Variants in CBX5 observed in about 807,000 individuals in gnomAD.
CBX5 encodes the protein chromobox protein homolog 5.
CBX5 carries 7 observed loss-of-function variants against 20.7 expected under a neutral mutation model. That is an observed-to-expected ratio of 0.34 (90% CI 0.19 to 0.63). The LOEUF is 0.63. Among genes scored for constraint, CBX5 ranks in the 30% least tolerant of loss-of-function variants. The pLI is 0.75. For missense variants in CBX5, 110 were observed against 224.1 expected, an observed-to-expected ratio of 0.49 and a Z score of 3.25; for synonymous variants, 78 against 77.0, an observed-to-expected ratio of 1.01 and a Z score of -0.07.
In CBX5 at chr12:54,241,686, A is replaced by G; in HGVS notation, c.*69T>C. On this transcript the variant is annotated 3_prime_UTR_variant, in exon 5 of 5. Transcript: ENST00000209875. ...GTGTTTAGGATAGAAAGGGGTGGGT[A>G]GAAAGGAGAGGAGGCAGGGAGGTGA... The G allele has an allele frequency of 6.9e-7, 1 of 1,448,624 alleles. No individual in the cohort carries two copies. The highest frequency in any genetic ancestry group is 9.4e-7 in the Non-Finnish European group (1 of 1,061,690). 89.7% of individuals were successfully genotyped at this position (1,448,624 alleles called of 1,614,324 possible).
intron 2 of CBX5, among the ~76,000 whole-genome samples, chr12:54,254,433 G>A (rs905612468): frequency 6.6e-6 from 1 of 151,400 alleles, no homozygotes; most frequent in African/African-American, 2.4e-5. Flanking sequence ...GGAAAAATCT[G>A]AGCTATTTAC....
At position 54,235,645 on chromosome 12, in the gene CBX5, T is replaced by G. The variant is rs1183114777; in HGVS notation, c.*6110A>C. 6.6e-6 allele frequency: 1 copy of G among 152,176 alleles called. No homozygotes were observed. The highest frequency in any genetic ancestry group is 1.5e-5 in the Non-Finnish European group (1 of 68,048). The allele number at this position is 152,176 out of a possible 1,614,324, so 9.4% of individuals were successfully genotyped here. A position where few individuals can be genotyped will look rare whatever the true frequency, so the allele number is the denominator to read the frequency against. ...AAAGAAATCACCCTCTCTCCAGTAT[T>G]GAATAAAACTGCACTGCTCAGAGTA... On this transcript the variant is annotated 3_prime_UTR_variant, in exon 5 of 5. Coordinates refer to ENST00000209875, the MANE Select transcript of CBX5 (RefSeq NM_012117.3).
At chr12:54,242,547 T>C (rs1943688985) in intron 4 of CBX5, among the ~76,000 whole-genome samples, 1 of 141,312 alleles carries the variant, frequency 7.1e-6, no homozygotes, top group African/African-American at 2.6e-5. Context: ...AAAAAAAACC[T>C]ACATTCAGCT....
chr12:54,269,254 A>G (rs1015160297), intron 1 of CBX5, among the ~76,000 whole-genome samples: 1 of 151,988 alleles, frequency 6.6e-6, no homozygotes, highest in African/African-American at 2.4e-5. Context: ...CAGAGCGAGG[A>G]TCCTTCTCAA....
At chr12:54,277,921 A>G (rs1423136775) in intron 1 of CBX5, among the ~76,000 whole-genome samples, 1 of 152,210 alleles carries the variant, frequency 6.6e-6, no homozygotes, top group East Asian at 1.9e-4. Flanking sequence ...ATCATCTCAC[A>G]CTGCACCCTT....
chr12:54,269,366 C>A (rs1441707320), intron 1 of CBX5, among the ~76,000 whole-genome samples: 2 of 152,134 alleles, frequency 1.3e-5, no homozygotes, highest in Non-Finnish European at 2.9e-5. Flanking sequence ...TGGTAAAATT[C>A]TTCAGTGAAG....
chr12:54,279,089 T>C (rs1358294715), intron 1 of CBX5: 2 of 152,222 alleles, frequency 1.3e-5, no homozygotes, highest in Non-Finnish European at 2.9e-5. Context: ...GATCCTACTG[T>C]GTCCCTAGGA....
chr12:54,245,810 A>C (rs144069733), intron 4 of CBX5, among the ~76,000 whole-genome samples: 1 of 151,336 alleles, frequency 6.6e-6, no homozygotes, highest in African/African-American at 2.4e-5. Context: ...TAAATAAATA[A>C]ATAATAAAAA....
intron 3 of CBX5, among the ~76,000 whole-genome samples, chr12:54,250,519 G>A (rs1452862893): frequency 6.6e-6 from 1 of 151,724 alleles, no homozygotes; most frequent in Non-Finnish European, 1.5e-5. Context: ...AAAAGAAAGG[G>A]CCGGGGCCGG....
In CBX5 at chr12:54,257,612, A is replaced by G; in HGVS notation, c.39T>C (p.Ser13=). The G allele has an allele frequency of 6.2e-7, 1 of 1,614,152 alleles. No homozygotes were observed. Among genetic ancestry groups the G allele is most frequent in the Non-Finnish European group, 8.5e-7 (1 of 1,180,020 alleles). ...KKTKRTADSS[S]SEDEEEYVVE... is the part of the protein sequence containing the mutation. ...CAACATACTCCTCCTCATCCTCTGA[A>G]GAAGAACTGTCAGCTGTCCGCTTGG... Residue 13 remains serine, a synonymous_variant, in exon 2 of 5, where the codon TCT becomes TCC. Coordinates refer to ENST00000209875, the MANE Select transcript of CBX5 (RefSeq NM_012117.3).
Position 54,235,096 on chromosome 12 carries a change from TG to T in CBX5, c.*6658del, listed in dbSNP as rs1447526326. 4 of 152,208 alleles carry T rather than the reference TG, an allele frequency of 2.6e-5. No homozygotes were observed. Among genetic ancestry groups the T allele is most frequent in the Non-Finnish European group, 5.9e-5 (4 of 68,036 alleles). The allele number at this position is 152,208 out of a possible 1,614,324, so 9.4% of individuals were successfully genotyped here. On this transcript the variant is annotated 3_prime_UTR_variant, in exon 5 of 5. Coordinates refer to ENST00000209875, the MANE Select transcript of CBX5 (RefSeq NM_012117.3). ...TTTCCAGAGCAGTTACTCTAATTCC[TG>T]GGAATTCTGACTTCCAAAGTTAGTC...
intron 3 of CBX5, among the ~76,000 whole-genome samples, chr12:54,246,797 A>G (rs955733369): frequency 1.3e-4 from 19 of 151,824 alleles, no homozygotes; most frequent in East Asian, 5.8e-4. Context: ...AAAAAAAAAA[A>G]AAAGAAAAGG....
intron 4 of CBX5, among the ~76,000 whole-genome samples, chr12:54,243,377 G>A (rs970971312): frequency 1.1e-4 from 17 of 151,782 alleles, no homozygotes; most frequent in Admixed American, 1.1e-3. Context: ...GGGCAACATA[G>A]GAAGACCTGG....
chr12:54,252,149 C>T lies in CBX5; in HGVS notation c.216G>A (p.Lys72=). Residue 72 remains lysine, a synonymous_variant, in exon 3 of 5, where the codon AAG becomes AAA. Transcript: ENST00000209875. ...GTTTATTATTTTCACCCTCCTTCAT[C>T]TTCTTATACTTTTTCATAAATTCAG... ...LISEFMKKYK[K]MKEGENNKPR... 6.2e-7 allele frequency: 1 copy of T among 1,610,414 alleles called. No individual in the cohort carries two copies. The highest frequency in any genetic ancestry group is 8.5e-7 in the Non-Finnish European group (1 of 1,178,924).
At chr12:54,262,587 T>C (rs1195607459) in intron 1 of CBX5, 1 of 152,762 alleles carries the variant, frequency 6.5e-6, no homozygotes, top group African/African-American at 2.4e-5. Context: ...ATGTGTCTTA[T>C]CTTAACCTTG....
rs1943624515 is a variant in CBX5, at chr12:54,236,550, A to T, written c.*5205T>A. The T allele has an allele frequency of 6.6e-6, 1 of 152,232 alleles. No individual in the cohort carries two copies. Among genetic ancestry groups the T allele is most frequent in the African/African-American group, 2.4e-5 (1 of 41,458 alleles). The allele number at this position is 152,232 out of a possible 1,614,324, so 9.4% of individuals were successfully genotyped here. ...GGTAAAGGTAGCATGAAACTGCAAT[A>T]CACTGGCTCCAGACCTTTCCTCTCT... On this transcript the variant is annotated 3_prime_UTR_variant, in exon 5 of 5. Transcript: ENST00000209875.
intron 1 of CBX5, among the ~76,000 whole-genome samples, chr12:54,266,329 T>C (rs546744752): frequency 6.6e-6 from 1 of 151,932 alleles, no homozygotes; most frequent in South Asian, 2.1e-4. Flanking sequence ...ACCTGGGAAG[T>C]AGAGGTTGCA....
chr12:54,257,506 G>T lies in CBX5; in HGVS notation c.137+8C>A, dbSNP rs1365083235. 1 of 1,614,096 alleles carries T rather than the reference G, an allele frequency of 6.2e-7. No homozygotes were observed. Among genetic ancestry groups the T allele is most frequent in the African/African-American group, 1.3e-5 (1 of 75,036 alleles). The stretch of plus-strand genomic sequence containing the variant: ...AGTCCCAACGCCTGGGGGAAAAAAG[G>T]AACTTACTCAGAAAAGCCTTTCCAC... On this transcript the variant is annotated splice_region_variant and intron_variant, in intron 2 of 4. Coordinates refer to ENST00000209875, the MANE Select transcript of CBX5 (RefSeq NM_012117.3).
At chr12:54,279,518 G>C (rs1225598511) in intron 1 of CBX5, among the ~76,000 whole-genome samples, 2 of 152,074 alleles carry the variant, frequency 1.3e-5, no homozygotes, top group Non-Finnish European at 2.9e-5. Flanking sequence ...CCAAATCGAA[G>C]ACCTCCCTCT....
Sources: allele counts gnomAD v4.1 joint callset (sites outside exome capture counted in the v4.1 genomes callset), GRCh38; gene constraint gnomAD v4.1.1; transcripts MANE v1.5; gene names NCBI Gene and HGNC (gene_info 2026-07-23, HGNC 2026-07-21).